Variants in VAV2 observed in about 807,000 individuals in gnomAD.
The protein encoded by VAV2 is vav guanine nucleotide exchange factor 2, also known as guanine nucleotide exchange factor VAV2.
Under a neutral mutation model 132.5 loss-of-function variants are expected in VAV2, and 67 were observed. The ratio of observed to expected loss-of-function variants is 0.51; its 90% CI spans 0.42 to 0.62. The LOEUF (loss-of-function observed/expected upper bound fraction) is 0.62, where lower values mean the gene tolerates loss of function less well. Ranked by LOEUF, VAV2 falls within the 20% of genes least tolerant of loss-of-function variation. The pLI is 0.00. For missense variants in VAV2, 938 were observed against 1,153.6 expected (o/e 0.81, Z 2.71); for synonymous variants, 492 against 443.5 (o/e 1.11, Z -1.37).
At chr9:133,937,424 CTGTGTG>C (rs374257075) in intron 2 of VAV2, among the ~76,000 whole-genome samples, 1 of 149,488 alleles carries the variant, frequency 6.7e-6, no homozygotes, top group African/African-American at 2.5e-5. Flanking sequence ...GACTGTATGT[CTGTGTG>C]TGTGTGTATG....
At chr9:133,781,683 A>G (rs1294188875) in intron 19 of VAV2, among the ~76,000 whole-genome samples, 1 of 152,236 alleles carries the variant, frequency 6.6e-6, no homozygotes, top group Non-Finnish European at 1.5e-5. Context: ...CAAACCCCAG[A>G]GCAAAGGTAG....
chr9:133,786,053 T>C, intron 16 of VAV2, 168 bp from the exon 17 acceptor site: 1 of 693,990 alleles, frequency 1.4e-6, no homozygotes, highest in Non-Finnish European at 2.6e-6. Flanking sequence ...CCTGCTCTCT[T>C]GCCCATGCTG....
At chr9:133,915,197 G>A (rs545344257) in intron 2 of VAV2, among the ~76,000 whole-genome samples, 2 of 152,252 alleles carry the variant, frequency 1.3e-5, no homozygotes, top group African/African-American at 4.8e-5. Flanking sequence ...GGGACATCAG[G>A]GAATTCTCCA....
At chr9:133,805,407 G>A (rs950218466) in intron 9 of VAV2, among the ~76,000 whole-genome samples, 8 of 152,146 alleles carry the variant, frequency 5.3e-5, no homozygotes, top group African/African-American at 1.9e-4. Flanking sequence ...GCTTGGCACC[G>A]TCCCCTGATG....
intron 2 of VAV2, among the ~76,000 whole-genome samples, chr9:133,931,405 C>CT (rs78706592): frequency 1.9e-4 from 1 of 5,280 alleles, no homozygotes; most frequent in Non-Finnish European, 6.2e-3. Context: ...GCCCAGGGGG[C>CT]CCCCCTCCTG....
rs534008134 is a variant in VAV2 at position 133,914,861 on chromosome 9, G to A, written c.321+24242C>T. Among the ~76,000 whole-genome samples the A allele has an allele frequency of 3.4e-3, 524 of 151,950 alleles. 7 individuals carry two copies. Among genetic ancestry groups the A allele is most frequent in the Middle Eastern group, 0.024 (7 of 290 alleles). ...CATTCACTTCTCTATCTCTGTTGCC[G>A]TCCCACAGCTCCACAAAGTGGAGAG... On this transcript the variant is annotated intron_variant, in intron 2 of 29. Transcript: ENST00000371850.
intron 2 of VAV2, among the ~76,000 whole-genome samples, chr9:133,878,551 C>T (rs1042641843): frequency 2.6e-5 from 4 of 152,256 alleles, no homozygotes; most frequent in African/African-American, 9.6e-5. Context: ...TCACCATCAT[C>T]GTTGCTGCCC....
intron 1 of VAV2, among the ~76,000 whole-genome samples, chr9:133,976,423 G>A (rs1307337247): frequency 1.3e-5 from 2 of 151,474 alleles, no homozygotes; most frequent in African/African-American, 4.8e-5. Context: ...CCTCACCCTC[G>A]ATGGAGGAGG....
At chr9:133,874,060 G>A (rs991133778) in intron 2 of VAV2, among the ~76,000 whole-genome samples, 1 of 152,338 alleles carries the variant, frequency 6.6e-6, no homozygotes, top group East Asian at 1.9e-4. Context: ...AGGAGTCACC[G>A]GGGCTGGGGC....
chr9:133,981,448 C>G (rs1013156358), intron 1 of VAV2, among the ~76,000 whole-genome samples: 1 of 152,198 alleles, frequency 6.6e-6, no homozygotes, highest in Non-Finnish European at 1.5e-5. Context: ...TCAGGCCGCC[C>G]GCTGCACTCT....
chr9:133,793,613 G>A (rs1834589329), intron 12 of VAV2, among the ~76,000 whole-genome samples: 4 of 152,272 alleles, frequency 2.6e-5, no homozygotes, highest in South Asian at 4.2e-4. Context: ...CGGCCCCTGC[G>A]TGCACCTGGC....
At chr9:133,792,692 C>A (rs1334589099) in intron 12 of VAV2, among the ~76,000 whole-genome samples, 1 of 130,738 alleles carries the variant, frequency 7.6e-6, no homozygotes, top group Non-Finnish European at 1.6e-5. Flanking sequence ...CCCCCCCCAC[C>A]CCCCACCCAG....
At chr9:133,770,327 G>A (rs1300502707) in intron 27 of VAV2, 51 bp downstream of exon 27, 5 of 1,610,594 alleles carry the variant, frequency 3.1e-6, no homozygotes, top group Admixed American at 1.7e-5. Flanking sequence ...AAGTGGGCCA[G>A]GGCAGACCCC....
intron 2 of VAV2, among the ~76,000 whole-genome samples, chr9:133,910,594 A>C (rs2132041114): frequency 6.6e-6 from 1 of 151,382 alleles, no homozygotes; most frequent in African/African-American, 2.4e-5. Context: ...GCGGATCACG[A>C]GGTCAGGAGA....
chr9:133,896,509 G>T (rs1185893538), intron 2 of VAV2, among the ~76,000 whole-genome samples: 2 of 152,190 alleles, frequency 1.3e-5, no homozygotes. Context: ...CGTTAGAGCA[G>T]GTCGAAACGT....
intron 3 of VAV2, among the ~76,000 whole-genome samples, chr9:133,848,147 G>A (rs1837012602): frequency 6.6e-6 from 1 of 151,644 alleles, no homozygotes; most frequent in African/African-American, 2.4e-5. Flanking sequence ...GGGTGTAGTG[G>A]CGGGCGCCTG....
At chr9:133,920,025 G>A (rs546525333) in intron 2 of VAV2, among the ~76,000 whole-genome samples, 22 of 152,162 alleles carry the variant, frequency 1.4e-4, no homozygotes, top group South Asian at 2.1e-4. Flanking sequence ...AGGCCTGGGC[G>A]TGGGCCCCAG....
intron 3 of VAV2, 158 bp downstream of exon 3, chr9:133,861,216 T>C: frequency 3.6e-6 from 2 of 560,242 alleles, no homozygotes; most frequent in Non-Finnish European, 5.5e-6. Context: ...CACCCCTTCC[T>C]GCAGCCGCCA....
chr9:133,947,234 C>A (rs1198899730), intron 1 of VAV2, among the ~76,000 whole-genome samples: 1 of 152,162 alleles, frequency 6.6e-6, no homozygotes, highest in Non-Finnish European at 1.5e-5. Flanking sequence ...TGGCCTCGAC[C>A]CCTTATTCCT....
Sources: gnomAD v4.1 joint callset for allele counts (sites outside exome capture counted in the v4.1 genomes callset) on GRCh38, gnomAD v4.1.1 for gene constraint, MANE v1.5 for transcripts, NCBI Gene and HGNC (gene_info 2026-07-23, HGNC 2026-07-21) for gene names.